SEMA6D: variants seen among roughly 807,000 people sequenced by gnomAD.
SEMA6D encodes the protein semaphorin-6D.
SEMA6D carries 35 observed loss-of-function variants against 106.6 expected under a neutral mutation model. That is an observed-to-expected ratio of 0.33 (90% CI 0.25 to 0.44). SEMA6D has a LOEUF of 0.44. Among genes scored for constraint, SEMA6D ranks in the 20% least tolerant of loss-of-function variants. SEMA6D has a pLI of 1.00. For synonymous variants in SEMA6D, 499 were observed against 487.7 expected, an observed-to-expected ratio of 1.02 and a Z score of -0.31; for missense variants, 1,185 against 1,345.9, an observed-to-expected ratio of 0.88 and a Z score of 1.87.
chr15:47,268,934 T>A (rs1200175481), intron 1 of SEMA6D, among the ~76,000 whole-genome samples: 1 of 152,162 alleles, frequency 6.6e-6, no homozygotes, highest in Non-Finnish European at 1.5e-5. Flanking sequence ...AGAGAGGCCT[T>A]GCTTAGTTTT....
At chr15:47,402,899 C>A (rs936025185) in intron 1 of SEMA6D, among the ~76,000 whole-genome samples, 2 of 152,162 alleles carry the variant, frequency 1.3e-5, no homozygotes, top group Non-Finnish European at 2.9e-5. Context: ...CCTCAAGAGG[C>A]AAAGCCTCCA....
At chr15:47,466,132 C>T (rs1025467784) in intron 2 of SEMA6D, among the ~76,000 whole-genome samples, 1 of 152,124 alleles carries the variant, frequency 6.6e-6, no homozygotes, top group Non-Finnish European at 1.5e-5. Context: ...ATGTTCATCA[C>T]CTCACATAGT....
chr15:47,349,617 A>G (rs919778462), intron 1 of SEMA6D, among the ~76,000 whole-genome samples: 3 of 152,208 alleles, frequency 2.0e-5, no homozygotes, highest in African/African-American at 4.8e-5. Flanking sequence ...AGGTGCTACA[A>G]TGAATTTTAA....
chr15:47,220,235 C>A (rs1296958533), intron 1 of SEMA6D, among the ~76,000 whole-genome samples: 1 of 152,236 alleles, frequency 6.6e-6, no homozygotes, highest in East Asian at 1.9e-4. Context: ...GAATTGGAGC[C>A]CTTTCTGCAA....
intron 4 of SEMA6D, among the ~76,000 whole-genome samples, chr15:47,632,132 T>C (rs934439576): frequency 2.6e-5 from 4 of 152,034 alleles, no homozygotes; most frequent in South Asian, 2.1e-4. Context: ...ATTTTTGTTT[T>C]CTTCCTAGTT....
At position 47,266,339 on chromosome 15, in the gene SEMA6D, G is replaced by C. The variant is rs2034316759; in HGVS notation, c.-239+81921G>C. Among the ~76,000 whole-genome samples the C allele has an allele frequency of 2.0e-5, 3 of 151,998 alleles. No individual in the cohort carries two copies. The South Asian group carries it at 6.2e-4, about 32-fold the overall frequency. On this transcript the variant is annotated intron_variant, in intron 1 of 19. Transcript: ENST00000558014. ...ATTAGTAACTGTCTGTTTTAGGACT[G>C]CTCTTCCTCTCGGGCAAAATCTCTA...
At chr15:47,699,013 G>C (rs2078756352) in intron 4 of SEMA6D, among the ~76,000 whole-genome samples, 2 of 152,136 alleles carry the variant, frequency 1.3e-5, no homozygotes, top group Admixed American at 1.3e-4. Context: ...AAAGAGAAGT[G>C]ACTGATTTTA....
At chr15:47,554,243 T>C (rs1327599350) in intron 3 of SEMA6D, among the ~76,000 whole-genome samples, 1 of 152,212 alleles carries the variant, frequency 6.6e-6, no homozygotes, top group African/African-American at 2.4e-5. Context: ...ATTCGTAGCC[T>C]CTGTACATTC....
chr15:47,586,807 A>C (rs11636198), intron 3 of SEMA6D, among the ~76,000 whole-genome samples: 72,683 of 151,336 alleles, frequency 0.48, 18,789 homozygotes, highest in South Asian at 0.62. Flanking sequence ...CAGTCTGTAA[A>C]GAAAATTCTG....
At chr15:47,625,431 G>C (rs1367963722) in intron 4 of SEMA6D, among the ~76,000 whole-genome samples, 1 of 152,124 alleles carries the variant, frequency 6.6e-6, no homozygotes, top group African/African-American at 2.4e-5. Flanking sequence ...TCAGTAAAAT[G>C]CCTATTGAAA....
chr15:47,283,167 C>T (rs1449708683), intron 1 of SEMA6D, among the ~76,000 whole-genome samples: 1 of 152,098 alleles, frequency 6.6e-6, no homozygotes, highest in East Asian at 1.9e-4. Flanking sequence ...CCCTCATTTT[C>T]CTCTTTTTTA....
chr15:47,199,584 A>G (rs1389768295), intron 1 of SEMA6D, among the ~76,000 whole-genome samples: 1 of 152,114 alleles, frequency 6.6e-6, no homozygotes, highest in Non-Finnish European at 1.5e-5. Context: ...AATTCCTTCC[A>G]AAAAAATGAT....
rs146507557 is a variant in SEMA6D at position 47,356,868 on chromosome 15, T to A, written c.-238-55525T>A. ...TTGAACTCTCTGCCCAATACACATG[T>A]ATAAAACAGACCCAAACCATTTAAT... On this transcript the variant is annotated intron_variant, in intron 1 of 19. Coordinates refer to the SEMA6D transcript ENST00000558014. 3.8e-3 allele frequency among the ~76,000 whole-genome samples: 586 copies of A among 152,294 alleles called. 2 individuals carry two copies. Among genetic ancestry groups the A allele is most frequent in the African/African-American group, 0.014 (566 of 41,578 alleles).
chr15:47,247,369 CA>C (rs2141866814), intron 1 of SEMA6D, among the ~76,000 whole-genome samples: 1 of 151,244 alleles, frequency 6.6e-6, no homozygotes, highest in South Asian at 2.1e-4. Flanking sequence ...AAAAAGAAAG[CA>C]AAAAATGCTG....
intron 1 of SEMA6D, among the ~76,000 whole-genome samples, chr15:47,273,385 G>T (rs1278277444): frequency 6.6e-6 from 1 of 152,142 alleles, no homozygotes; most frequent in Non-Finnish European, 1.5e-5. Flanking sequence ...CTTAAAACTT[G>T]TGTTAAGAGG....
intron 2 of SEMA6D, among the ~76,000 whole-genome samples, chr15:47,440,806 A>G (rs1420573952): frequency 6.6e-6 from 1 of 152,102 alleles, no homozygotes; most frequent in African/African-American, 2.4e-5. Flanking sequence ...AATTTAGAAT[A>G]TATGCATTCG....
At chr15:47,480,037 T>G (rs184350290) in intron 3 of SEMA6D, among the ~76,000 whole-genome samples, 1 of 150,918 alleles carries the variant, frequency 6.6e-6, no homozygotes, top group Non-Finnish European at 1.5e-5. Flanking sequence ...TTTTTTTTTT[T>G]GGTAGATATG....
At chr15:47,617,181 C>T (rs1365221764) in intron 4 of SEMA6D, among the ~76,000 whole-genome samples, 1 of 152,108 alleles carries the variant, frequency 6.6e-6, no homozygotes, top group Admixed American at 6.5e-5. Context: ...TACTGTTTCT[C>T]CAGTCTCTTC....
chr15:47,767,829 T>C (rs1049043741), intron 17 of SEMA6D, among the ~76,000 whole-genome samples: 6 of 152,354 alleles, frequency 3.9e-5, no homozygotes, highest in African/African-American at 1.4e-4. Flanking sequence ...CTATTGCTGC[T>C]TCTAAAACTC....
Sources: gnomAD v4.1 joint callset for allele counts (sites outside exome capture counted in the v4.1 genomes callset) on GRCh38, gnomAD v4.1.1 for gene constraint, MANE v1.5 for transcripts, NCBI Gene and HGNC (gene_info 2026-07-23, HGNC 2026-07-21) for gene names.